FBXL12: variants seen among roughly 807,000 people sequenced by gnomAD.
FBXL12 encodes the protein F-box and leucine rich repeat protein 12, also known as F-box/LRR-repeat protein 12.
A neutral mutation model predicts 24.9 loss-of-function variants in FBXL12; 22 were observed. The observed-to-expected ratio is 0.88, with a 90% CI of 0.63 to 1.26. The LOEUF (loss-of-function observed/expected upper bound fraction) is 1.26. Among genes scored for constraint, FBXL12 ranks in the 50% most tolerant of loss-of-function variants. FBXL12 has a pLI of 0.00. For synonymous variants in FBXL12, 193 were observed against 193.8 expected, an observed-to-expected ratio of 1.00 and a Z score of 0.03; for missense variants, 384 against 434.1, an observed-to-expected ratio of 0.88 and a Z score of 1.03.
rs559028683 is a variant in FBXL12, at chr19:9,814,964, C to T, written c.160-3247G>A. On this transcript the variant is annotated intron_variant, in intron 2 of 2. Coordinates refer to ENST00000247977, the MANE Select transcript of FBXL12 (RefSeq NM_017703.3). ...CTCCAAGTCTCATGTCTTCACATTT[C>T]ACAACCAATCATGGCTTCCCAACAG... Among the ~76,000 whole-genome samples, 3 of 152,236 alleles carry T rather than the reference C, an allele frequency of 2.0e-5. No homozygotes were observed. In the South Asian group the frequency reaches 6.2e-4, roughly 32 times the overall value.
intron 2 of FBXL12, among the ~76,000 whole-genome samples, chr19:9,816,566 A>T (rs924619262): frequency 6.6e-6 from 1 of 152,174 alleles, no homozygotes; most frequent in Non-Finnish European, 1.5e-5. Flanking sequence ...CAAGTTTCTC[A>T]TCTCCATCTG....
chr19:9,813,502 A>ATTTT (rs1298019169), intron 2 of FBXL12: 2 of 153,732 alleles, frequency 1.3e-5, no homozygotes, highest in East Asian at 1.2e-4. Context: ...TGCCCGGCTA[A>ATTTT]TTTTTTTTTT....
chr19:9,818,705 T>A, intron 1 of FBXL12, 23 bp downstream of exon 1: 2 of 1,541,898 alleles, frequency 1.3e-6, no homozygotes, highest in Non-Finnish European at 8.8e-7. Context: ...GCCCTGCCCT[T>A]CCCCCCGGAG....
At position 9,811,950 on chromosome 19, in the gene FBXL12, T is replaced by TC. The variant is rs1183559999; in HGVS notation, c.160-234dup. 2.4e-4 allele frequency among the ~76,000 whole-genome samples: 37 copies of TC among 151,150 alleles called. No homozygotes were observed. The highest frequency in any genetic ancestry group is 8.3e-4 in the African/African-American group (34 of 41,060). ...ACAAATCTTTTTTTTTTTTTTTTTT[T>TC]CTGAGACAGGTTCTTGCTCTGTCAC... On this transcript the variant is annotated intron_variant, in intron 2 of 2. Transcript: ENST00000247977. The surrounding 1 kb of genome is among the most constrained non-coding windows in gnomAD (Gnocchi z 6.0).
intron 2 of FBXL12, among the ~76,000 whole-genome samples, chr19:9,813,771 T>G (rs2045815326): frequency 6.6e-6 from 1 of 152,058 alleles, no homozygotes; most frequent in South Asian, 2.1e-4. Flanking sequence ...CCCAAGGTGC[T>G]GGGATTACAG....
chr19:9,817,345 A>G (rs2045907569), intron 2 of FBXL12, among the ~76,000 whole-genome samples: 1 of 152,240 alleles, frequency 6.6e-6, no homozygotes, highest in African/African-American at 2.4e-5. Context: ...GCTACTTTTG[A>G]CAGAGGAATC....
In FBXL12 at chr19:9,818,830, A is replaced by C. The variant is rs1349217050; in HGVS notation, c.-17T>G. ...AGTCGCCATGATCCCGCCGACACGC[A>C]CTTCCGCTTCCGGTTAAAGAGACCC... On this transcript the variant is annotated 5_prime_UTR_variant, in exon 1 of 3. Transcript: ENST00000247977. The C allele has an allele frequency of 6.5e-7, 1 of 1,546,270 alleles. No homozygotes were observed. Among genetic ancestry groups the C allele is most frequent in the Non-Finnish European group, 8.8e-7 (1 of 1,142,508 alleles).
chr19:9,815,658 T>TTC (rs957354477), intron 2 of FBXL12, among the ~76,000 whole-genome samples: 1 of 143,528 alleles, frequency 7.0e-6, no homozygotes, highest in African/African-American at 2.5e-5. Flanking sequence ...CTTCAATTCT[T>TTC]TTTTTTTTTT....
In FBXL12 at chr19:9,811,042, G is replaced by A; in HGVS notation, c.835C>T (p.Leu279Phe). ...AGGACTCTGAGCTTGGGCATAGTGA[G>A]GCAGGAGGAGAGGATTTCAGTGGGG... ...PSPTEILSSC[L>F]TMPKLRVLEL... The change falls in exon 3 of 3, where the codon CTC becomes TTC. Residue 279 changes from leucine to phenylalanine, a missense_variant. Coordinates refer to ENST00000247977, the MANE Select transcript of FBXL12 (RefSeq NM_017703.3). The surrounding 1 kb of genome is among the most constrained non-coding windows in gnomAD (Gnocchi z 6.0). The A allele has an allele frequency of 6.2e-7, 1 of 1,613,526 alleles. No individual in the cohort carries two copies. The highest frequency in any genetic ancestry group is 1.1e-5 in the South Asian group (1 of 90,998).
In FBXL12 at chr19:9,818,448, C is replaced by T. The variant is rs1167755689; in HGVS notation, c.159+97G>A. 2.2e-6 allele frequency: 3 copies of T among 1,339,828 alleles called. No individual in the cohort carries two copies. In the East Asian group the frequency reaches 7.6e-5, roughly 34 times the overall value. 83.0% of individuals were successfully genotyped at this position (1,339,828 alleles called of 1,614,324 possible). ...GGATCGCCTGGCTCTAAATCCCCAGCCCGGGCCCCGACACACAGTCCCAGG... is the reference window on the plus strand; with the variant it reads ...GGATCGCCTGGCTCTAAATCCCCAGTCCGGGCCCCGACACACAGTCCCAGG... On this transcript the variant is annotated intron_variant, in intron 2 of 2. Transcript: ENST00000247977.
At chr19:9,812,377 A>G (rs1488787416) in intron 2 of FBXL12, among the ~76,000 whole-genome samples, 2 of 151,974 alleles carry the variant, frequency 1.3e-5, no homozygotes, top group South Asian at 2.1e-4. Context: ...CTAAAAATAC[A>G]AAAATTAGCT....
Position 9,811,518 on chromosome 19 carries a change from G to C in FBXL12, c.359C>G (p.Thr120Ser). 6.2e-7 allele frequency: 1 copy of C among 1,613,430 alleles called. No homozygotes were observed. Among genetic ancestry groups the C allele is most frequent in the South Asian group, 1.1e-5 (1 of 90,998 alleles). Residue 120 changes from threonine to serine, a missense_variant, in exon 3 of 3, where the codon ACC (threonine) becomes AGC (serine). Physicochemically the swap from Thr to Ser is moderately conservative, Grantham distance 58 (BLOSUM62 1). Transcript: ENST00000247977. This position sits in a 1 kb window ranked among gnomAD's most constrained non-coding sequence, Gnocchi z 6.0. ...HVADLSMVPI[T>S]SLPSTLRTLE... ...GGTCCTCAAGGTGCTGGGCAGGCTG[G>C]TGATGGGCACCATGCTCAGGTCGGC...
Position 9,811,100 on chromosome 19 carries a change from C to A in FBXL12, c.777G>T (p.Leu259=). ...TTTCTGGGGTGACGAGGGGACCCTG[C>A]AGGCACAGACTCTCCAGGGCCGGCA... is the stretch of plus-strand genomic sequence containing the variant. ...EGMPALESLC[L]QGPLVTPEMP... The change falls in exon 3 of 3, where the codon CTG becomes CTT. Residue 259 remains leucine, a synonymous_variant. Coordinates refer to ENST00000247977, the MANE Select transcript of FBXL12 (RefSeq NM_017703.3). This position sits in a 1 kb window ranked among gnomAD's most constrained non-coding sequence, Gnocchi z 6.0. 1 of 1,607,940 alleles carries A rather than the reference C, an allele frequency of 6.2e-7. No individual in the cohort carries two copies. The highest frequency in any genetic ancestry group is 8.5e-7 in the Non-Finnish European group (1 of 1,175,004).
intron 2 of FBXL12, among the ~76,000 whole-genome samples, chr19:9,815,557 C>T (rs1371796332): frequency 6.6e-6 from 1 of 152,318 alleles, no homozygotes; most frequent in East Asian, 1.9e-4. Flanking sequence ...AGCAGAGGTT[C>T]TCCATGAGGG....
intron 2 of FBXL12, among the ~76,000 whole-genome samples, chr19:9,812,293 G>A (rs1313618015): frequency 6.6e-6 from 1 of 152,060 alleles, no homozygotes; most frequent in East Asian, 1.9e-4. Context: ...CACTTTGGGA[G>A]GCTGAGGTGG....
intron 2 of FBXL12, among the ~76,000 whole-genome samples, chr19:9,817,500 C>A (rs1219273518): frequency 6.6e-6 from 1 of 152,132 alleles, no homozygotes; most frequent in Non-Finnish European, 1.5e-5. Flanking sequence ...ATCAACTTTT[C>A]CTCGCAAAAC....
In FBXL12 at chr19:9,811,138, C is replaced by T. The variant is rs1440304407; in HGVS notation, c.739G>A (p.Val247Met). 5.6e-6 allele frequency: 9 copies of T among 1,605,550 alleles called. No individual in the cohort carries two copies. In the African/African-American group the frequency reaches 8.0e-5, roughly 14 times the overall value. ...VRGLSAPGLA[V>M]LEGMPALESL... ...TCCAGGGCCGGCATTCCCTCCAGCA[C>T]AGCCAGGCCAGGGGCAGAGAGGCCC... Residue 247 changes from valine (V) to methionine (M), a missense_variant, in exon 3 of 3, where the codon GTG becomes ATG. Physicochemically the swap from Val to Met is conservative, Grantham distance 21. Transcript: ENST00000247977. This position sits in a 1 kb window ranked among gnomAD's most constrained non-coding sequence, Gnocchi z 6.0.
In FBXL12 at chr19:9,811,044, CAGG is replaced by C; in HGVS notation, c.830_832del (p.Ser277del). The C allele has an allele frequency of 1.2e-6, 2 of 1,611,458 alleles. No individual in the cohort carries two copies. Among genetic ancestry groups the C allele is most frequent in the East Asian group, 2.2e-5 (1 of 44,762 alleles). ...GACTCTGAGCTTGGGCATAGTGAGG[CAGG>C]AGGAGAGGATTTCAGTGGGGGAGGG... On this transcript the variant is annotated inframe_deletion, in exon 3 of 3. Coordinates refer to ENST00000247977, the MANE Select transcript of FBXL12 (RefSeq NM_017703.3). The surrounding 1 kb of genome is among the most constrained non-coding windows in gnomAD (Gnocchi z 6.0).
rs560559681 is a variant in FBXL12, at chr19:9,815,685, G to A, written c.159+2860C>T. ...TTTTTTTTTTTTGAGATGGAGTTTC[G>A]CTCTTGTCACCCAGGCTGGAATGCA... On this transcript the variant is annotated intron_variant, in intron 2 of 2. Coordinates refer to ENST00000247977, the MANE Select transcript of FBXL12 (RefSeq NM_017703.3). Among the ~76,000 whole-genome samples the A allele has an allele frequency of 6.2e-5, 9 of 146,226 alleles. No individual in the cohort carries two copies. The South Asian group carries it at 1.5e-3, about 24-fold the overall frequency.
Sources: gnomAD v4.1 joint callset for allele counts (sites outside exome capture counted in the v4.1 genomes callset) on GRCh38, gnomAD v4.1.1 for gene constraint, Gnocchi (gnomAD v3.1) non-coding constraint, MANE v1.5 for transcripts, NCBI Gene and HGNC (gene_info 2026-07-23, HGNC 2026-07-21) for gene names.